Variants in SORBS2 observed in about 807,000 individuals in gnomAD.
SORBS2 encodes the protein sorbin and SH3 domain containing 2.
In SORBS2, 46 loss-of-function variants were observed where a neutral mutation model predicts 97.7. That is an observed-to-expected ratio of 0.47 (90% CI 0.37 to 0.60). SORBS2 has a LOEUF of 0.60. SORBS2 is among the 20% of genes least tolerant of loss of function. The probability of loss-of-function intolerance (pLI) is 0.00; values close to 1 mark genes in which losing one functional copy is unlikely to be tolerated. For missense variants in SORBS2, 1,316 were observed against 1,282.3 expected, an observed-to-expected ratio of 1.03 and a Z score of -0.40; for synonymous variants, 476 against 473.4, an observed-to-expected ratio of 1.01 and a Z score of -0.07.
At chr4:185,883,766 T>C (rs1054865789) in intron 1 of SORBS2, among the ~76,000 whole-genome samples, 2 of 152,214 alleles carry the variant, frequency 1.3e-5, no homozygotes, top group Non-Finnish European at 2.9e-5. Context: ...GGAGGTCACT[T>C]GAGCCCAGAA....
At chr4:185,776,324 C>T (rs2098999375) in intron 1 of SORBS2, among the ~76,000 whole-genome samples, 1 of 152,154 alleles carries the variant, frequency 6.6e-6, no homozygotes, top group African/African-American at 2.4e-5. Context: ...CAGCTGAAGA[C>T]TGAGATCTCT....
chr4:185,772,968 T>G (rs1284359311), intron 2 of SORBS2: 1 of 151,940 alleles, frequency 6.6e-6, no homozygotes, highest in African/African-American at 2.4e-5. Flanking sequence ...TGAAACTCGG[T>G]GGCTTTGGCT....
intron 1 of SORBS2, among the ~76,000 whole-genome samples, chr4:185,946,721 T>C (rs559501946): frequency 6.6e-6 from 1 of 152,220 alleles, no homozygotes; most frequent in Non-Finnish European, 1.5e-5. Flanking sequence ...TTAATGTACA[T>C]CTGAACCTAA....
At chr4:185,678,520 T>C (rs762611805) in exon 4 of SORBS2, 11 of 1,547,886 alleles carry the variant, frequency 7.1e-6, no homozygotes, top group Middle Eastern at 1.7e-4. Flanking sequence ...CAGTGTCTCC[T>C]GATTGCCATC....
rs2096420802 is a variant in SORBS2 at position 185,606,443 on chromosome 4, C to T, written c.2796+5337G>A. 14 of 973,816 alleles carry T rather than the reference C, an allele frequency of 1.4e-5. No homozygotes were observed. Among genetic ancestry groups the T allele is most frequent in the Non-Finnish European group, 1.7e-5 (14 of 819,566 alleles). The allele number at this position is 973,816 out of a possible 1,614,324, so 60.3% of individuals were successfully genotyped here. ...ATGGTGTGTTTTCATATACCCACTC[C>T]ACCCCCATCTTATATAGTATTTGTG... On this transcript the variant is annotated intron_variant, in intron 12 of 14. Coordinates refer to ENST00000418609, the Ensembl canonical transcript of SORBS2. The surrounding 1 kb of genome is among the most constrained non-coding windows in gnomAD (Gnocchi z 4.3).
intron 4 of SORBS2, among the ~76,000 whole-genome samples, chr4:185,663,522 C>T (rs1013903990): frequency 1.3e-5 from 2 of 152,164 alleles, no homozygotes; most frequent in African/African-American, 4.8e-5. Context: ...ATCTTGAGGA[C>T]CTGCTCCCTG....
intron 1 of SORBS2, among the ~76,000 whole-genome samples, chr4:185,821,274 G>A (rs1370356844): frequency 6.6e-6 from 1 of 152,208 alleles, no homozygotes; most frequent in Non-Finnish European, 1.5e-5. Context: ...ACTGAGAGGT[G>A]GAGTGGCACA....
At chr4:185,665,988 G>T in intron 4 of SORBS2, 1 of 1,280,082 alleles carries the variant, frequency 7.8e-7, no homozygotes, top group Non-Finnish European at 1.0e-6. Context: ...ATAAGCAATG[G>T]GAAAGGCTCT....
intron 1 of SORBS2, among the ~76,000 whole-genome samples, chr4:185,838,201 C>T (rs534668867): frequency 2.0e-5 from 3 of 152,380 alleles, no homozygotes; most frequent in East Asian, 1.9e-4. Flanking sequence ...TGGCTGGCCC[C>T]GCCCACAGGC....
intron 2 of SORBS2, among the ~76,000 whole-genome samples, chr4:185,710,157 G>A (rs1446811577): frequency 9.8e-6 from 1 of 102,238 alleles, no homozygotes; most frequent in Non-Finnish European, 2.4e-5. Flanking sequence ...GCTTTCACTC[G>A]ATGTTAATCC....
intron 1 of SORBS2, among the ~76,000 whole-genome samples, chr4:185,804,179 G>T (rs1326451232): frequency 6.6e-6 from 1 of 152,222 alleles, no homozygotes; most frequent in African/African-American, 2.4e-5. Context: ...AACATTTAAA[G>T]ATATGTAGAC....
chr4:185,827,181 A>ATCACCATCACCACCACCATCATCACCATC (rs1561210817), intron 1 of SORBS2, among the ~76,000 whole-genome samples: 1 of 19,174 alleles, frequency 5.2e-5, no homozygotes, highest in African/African-American at 1.4e-4. Flanking sequence ...CCATCATCAG[A>ATCACCATCACCACCACCATCATCACCATC]ATCACCATCA....
At chr4:185,741,408 T>G (rs1412739885) in intron 2 of SORBS2, among the ~76,000 whole-genome samples, 1 of 143,768 alleles carries the variant, frequency 7.0e-6, no homozygotes, top group East Asian at 2.0e-4. Context: ...TTTTTTGTTT[T>G]TTTTTTTTTT....
intron 4 of SORBS2, among the ~76,000 whole-genome samples, chr4:185,664,173 T>A (rs1387169158): frequency 6.6e-6 from 1 of 152,132 alleles, no homozygotes; most frequent in Non-Finnish European, 1.5e-5. Context: ...TCTTTTATTG[T>A]GTTCAACCAA....
intron 12 of SORBS2, among the ~76,000 whole-genome samples, chr4:185,605,485 T>C (rs946946882): frequency 3.3e-5 from 5 of 151,438 alleles, no homozygotes; most frequent in Admixed American, 3.3e-4. Flanking sequence ...GGTTTTACCA[T>C]GTTGGACAGG....
chr4:185,949,877 A>G (rs1257186616), intron 1 of SORBS2, among the ~76,000 whole-genome samples: 1 of 152,200 alleles, frequency 6.6e-6, no homozygotes, highest in Non-Finnish European at 1.5e-5. Flanking sequence ...AGGGTCCAGC[A>G]GCTCACCATA....
chr4:185,616,816 T>A (rs1292768895), intron 9 of SORBS2, among the ~76,000 whole-genome samples: 1 of 152,184 alleles, frequency 6.6e-6, no homozygotes, highest in Non-Finnish European at 1.5e-5. Flanking sequence ...TGGTGTGATC[T>A]TGGCTCACTG....
At chr4:185,798,554 T>C (rs978100466) in intron 1 of SORBS2, among the ~76,000 whole-genome samples, 4 of 152,200 alleles carry the variant, frequency 2.6e-5, no homozygotes, top group Non-Finnish European at 5.9e-5. Context: ...ACTTAATAGC[T>C]TTTTAAAAAG....
chr4:185,665,801 A>AG, intron 4 of SORBS2: 6 of 1,103,532 alleles, frequency 5.4e-6, no homozygotes, highest in Non-Finnish European at 6.7e-6. Context: ...CAGGTGGGGG[A>AG]GGGTGTCTCA....
Sources: gnomAD v4.1 joint callset for allele counts (sites outside exome capture counted in the v4.1 genomes callset) on GRCh38, gnomAD v4.1.1 for gene constraint, Gnocchi (gnomAD v3.1) non-coding constraint, MANE v1.5 for transcripts, NCBI Gene and HGNC (gene_info 2026-07-23, HGNC 2026-07-21) for gene names.